DLGAP1: variants seen among roughly 807,000 people sequenced by gnomAD.
DLGAP1 encodes DLG associated protein 1.
In DLGAP1, 11 loss-of-function variants were observed where a neutral mutation model predicts 90.8. The ratio of observed to expected loss-of-function variants is 0.12; its 90% CI spans 0.08 to 0.20. The LOEUF is 0.20. DLGAP1 is among the 10% of genes least tolerant of loss of function. The probability of loss-of-function intolerance (pLI) is 1.00; values close to 1 mark genes in which losing one functional copy is unlikely to be tolerated. For synonymous variants in DLGAP1, 558 were observed against 540.7 expected (o/e 1.03, Z -0.44); for missense variants, 1,050 against 1,333.8 (o/e 0.79, Z 3.31).
intron 2 of DLGAP1, among the ~76,000 whole-genome samples, chr18:4,076,987 T>C (rs1380242962): frequency 6.6e-6 from 1 of 152,170 alleles, no homozygotes; most frequent in African/African-American, 2.4e-5. Flanking sequence ...CAATGTTTGT[T>C]ACTTCGCAAG....
intron 7 of DLGAP1, among the ~76,000 whole-genome samples, chr18:3,691,399 C>T (rs962316547): frequency 2.6e-4 from 39 of 149,976 alleles, no homozygotes; most frequent in African/African-American, 9.7e-4. Context: ...TGCATTCCAG[C>T]CTGGGCGATA....
chr18:3,893,581 AAATAATAATAATAATAAT>A (rs57334634), intron 3 of DLGAP1, among the ~76,000 whole-genome samples: 48 of 143,062 alleles, frequency 3.4e-4, no homozygotes, highest in African/African-American at 1.1e-3. Flanking sequence ...CTCAATCTCA[AAATAATAATAATAATAAT>A]AATAATAATA....
At chr18:3,614,008 C>T (rs1046061550) in intron 7 of DLGAP1, among the ~76,000 whole-genome samples, 1 of 152,136 alleles carries the variant, frequency 6.6e-6, no homozygotes, top group African/African-American at 2.4e-5. Flanking sequence ...CTGCAAGCTC[C>T]GCCCCCAGGT....
chr18:3,728,831 G>T (rs2062295757), intron 7 of DLGAP1, among the ~76,000 whole-genome samples: 1 of 152,150 alleles, frequency 6.6e-6, no homozygotes, highest in Admixed American at 6.5e-5. Context: ...GCGGGGATCG[G>T]CTCCTAGGAC....
chr18:4,200,729 C>G (rs553888685), intron 1 of DLGAP1, among the ~76,000 whole-genome samples: 23 of 152,152 alleles, frequency 1.5e-4, no homozygotes, highest in African/African-American at 5.3e-4. Context: ...ACAAATGCCA[C>G]CAATACTTCA....
At chr18:3,760,296 C>G (rs1008723150) in intron 5 of DLGAP1, among the ~76,000 whole-genome samples, 2 of 152,154 alleles carry the variant, frequency 1.3e-5, no homozygotes, top group Non-Finnish European at 2.9e-5. Flanking sequence ...AGGGGCGACA[C>G]AGGGCCAATC....
intron 3 of DLGAP1, chr18:3,978,246 G>A (rs982712872): frequency 7.1e-6 from 3 of 420,886 alleles, no homozygotes; most frequent in Non-Finnish European, 1.4e-5. Context: ...ATCAGCAGAG[G>A]GGGCAGAGGT....
chr18:4,379,594 T>C (rs76537777), intron 1 of DLGAP1, among the ~76,000 whole-genome samples: 3,506 of 152,222 alleles, frequency 0.023, 67 homozygotes, highest in African/African-American at 0.05. Context: ...CTTCATAATT[T>C]AAGCTGAGAT....
At chr18:4,314,087 C>A (rs1026527597) in intron 1 of DLGAP1, among the ~76,000 whole-genome samples, 2 of 152,178 alleles carry the variant, frequency 1.3e-5, no homozygotes, top group Non-Finnish European at 2.9e-5. Context: ...GAAAGACCCC[C>A]TTCCTCATGC....
At position 3,516,025 on chromosome 18, in the gene DLGAP1, G is replaced by A. The variant is rs562569721; in HGVS notation, c.2480-7364C>T. Among the ~76,000 whole-genome samples, 111 of 152,042 alleles carry A rather than the reference G, an allele frequency of 7.3e-4. 2 individuals are homozygous for A. The South Asian group carries it at 0.022, about 30-fold the overall frequency. ...CAGTCACATTTACAGGCTTCACTTC[G>A]CATTCTAGTTCTCTTGCACTTTTTA... is the stretch of plus-strand genomic sequence containing the variant. On this transcript the variant is annotated intron_variant, in intron 10 of 12. Transcript: ENST00000315677.
chr18:3,908,464 CT>C (rs2071960821), intron 3 of DLGAP1, among the ~76,000 whole-genome samples: 4 of 152,146 alleles, frequency 2.6e-5, no homozygotes, highest in Non-Finnish European at 4.4e-5. Flanking sequence ...TGAAAAATTA[CT>C]GATTTCTGGC....
At chr18:4,354,420 G>T (rs534846829) in intron 1 of DLGAP1, among the ~76,000 whole-genome samples, 1 of 152,030 alleles carries the variant, frequency 6.6e-6, no homozygotes, top group Non-Finnish European at 1.5e-5. Flanking sequence ...ATCTGGACAC[G>T]CCCTAGTTTT....
chr18:4,328,234 CTCTT>C (rs764108675), intron 1 of DLGAP1, among the ~76,000 whole-genome samples: 8 of 151,982 alleles, frequency 5.3e-5, no homozygotes, highest in Non-Finnish European at 8.8e-5. Flanking sequence ...CTCGCTCTCT[CTCTT>C]TAAGCTGTGT....
intron 10 of DLGAP1, among the ~76,000 whole-genome samples, chr18:3,530,197 G>C (rs2051899948): frequency 6.6e-6 from 1 of 152,188 alleles, no homozygotes; most frequent in Non-Finnish European, 1.5e-5. Context: ...CTTGAGGCCA[G>C]GAGTTTGAGA....
At chr18:4,273,312 A>G (rs1373634201) in intron 1 of DLGAP1, among the ~76,000 whole-genome samples, 2 of 152,208 alleles carry the variant, frequency 1.3e-5, no homozygotes, top group African/African-American at 2.4e-5. Context: ...CTTCCCCAGC[A>G]TACATGGGTC....
chr18:3,912,904 G>A (rs2148898410), intron 3 of DLGAP1, among the ~76,000 whole-genome samples: 1 of 152,210 alleles, frequency 6.6e-6, no homozygotes, highest in South Asian at 2.1e-4. Flanking sequence ...CAAGCTGGGG[G>A]AACTCTGTGT....
At chr18:3,865,922 T>A (rs530219725) in intron 4 of DLGAP1, among the ~76,000 whole-genome samples, 1 of 152,304 alleles carries the variant, frequency 6.6e-6, no homozygotes, top group East Asian at 1.9e-4. Flanking sequence ...TTCTTAGTCA[T>A]GGTCACATAA....
chr18:4,339,737 T>C (rs1784738), intron 1 of DLGAP1, among the ~76,000 whole-genome samples: 26,570 of 152,150 alleles, frequency 0.17, 2,463 homozygotes, highest in Admixed American at 0.23. Flanking sequence ...CCAAGATGGA[T>C]TTAATATTTA....
chr18:4,259,378 G>A (rs2078960744), intron 1 of DLGAP1, among the ~76,000 whole-genome samples: 1 of 152,242 alleles, frequency 6.6e-6, no homozygotes. Flanking sequence ...AGAAGACAGT[G>A]AATTAGACTT....
Sources: gnomAD v4.1 joint callset for allele counts (sites outside exome capture counted in the v4.1 genomes callset) on GRCh38, gnomAD v4.1.1 for gene constraint, MANE v1.5 for transcripts, NCBI Gene and HGNC (gene_info 2026-07-23, HGNC 2026-07-21) for gene names.